The following CSTF1 variants were observed in gnomAD, a reference collection of about 807,000 sequenced individuals.
CSTF1 encodes the protein CF-1 50 kDa subunit.
In CSTF1, 2 loss-of-function variants were observed where a neutral mutation model predicts 40.9. The observed-to-expected ratio is 0.05, with a 90% confidence interval of 0.02 to 0.15. CSTF1 has a LOEUF of 0.15. Ranked by LOEUF, CSTF1 falls within the 10% of genes least tolerant of loss-of-function variation. The pLI is 1.00. For synonymous variants in CSTF1, 218 were observed against 207.2 expected, an observed-to-expected ratio of 1.05 and a Z score of -0.45; for missense variants, 279 against 558.9, an observed-to-expected ratio of 0.50 and a Z score of 5.05.
rs1197135106 is a variant in CSTF1, at chr20:56,397,093, A to G, written c.170-114A>G. The G allele has an allele frequency of 8.6e-7, 1 of 1,160,772 alleles. No individual in the cohort carries two copies. Among genetic ancestry groups the G allele is most frequent in the Non-Finnish European group, 1.2e-6 (1 of 819,014 alleles). 71.9% of individuals were successfully genotyped at this position (1,160,772 alleles called of 1,614,324 possible). ...GTGTTAGGTGTCACGCGGCTCCAAG[A>G]AATAGGAGGTTGACACTGGTGAGCA... On this transcript the variant is annotated intron_variant, in intron 2 of 5. Transcript: ENST00000217109. The surrounding 1 kb of genome is among the most constrained non-coding windows in gnomAD (Gnocchi z 4.4).
At chr20:56,400,655 GCA>G (rs1333785019) in intron 5 of CSTF1, among the ~76,000 whole-genome samples, 10 of 152,174 alleles carry the variant, frequency 6.6e-5, no homozygotes, top group African/African-American at 2.4e-5. Flanking sequence ...CTGAATTTAT[GCA>G]CAGATTCCCC....
rs1978372531 is a variant in CSTF1, at chr20:56,399,710, C to G, written c.1036+353C>G. The stretch of plus-strand genomic sequence containing the variant: ...CAGAGAAAAGTTTCCAATAGTAGAT[C>G]TCAGTATTATTAATATATGTATTCA... On this transcript the variant is annotated intron_variant, in intron 5 of 5. Coordinates refer to ENST00000217109, the MANE Select transcript of CSTF1 (RefSeq NM_001324.3). This position sits in a 1 kb window ranked among gnomAD's most constrained non-coding sequence, Gnocchi z 4.6. Among the ~76,000 whole-genome samples, 1 of 152,150 alleles carries G rather than the reference C, an allele frequency of 6.6e-6. No homozygotes were observed.
chr20:56,396,601 C>T (rs920441581), intron 2 of CSTF1, among the ~76,000 whole-genome samples: 4 of 152,018 alleles, frequency 2.6e-5, no homozygotes, highest in South Asian at 2.1e-4. Context: ...TATACCGATA[C>T]GTTAACAGTT....
rs533942892 is a variant in CSTF1 at position 56,404,126 on chromosome 20, A to G, written c.*399A>G. Reference sequence around the variant, plus strand: ...CTCTGTGTATTTCCCTTCCAGGTATATTTGAACAGATAAGCAGGCATGCAG... The same window carrying G: ...CTCTGTGTATTTCCCTTCCAGGTATGTTTGAACAGATAAGCAGGCATGCAG... On this transcript the variant is annotated 3_prime_UTR_variant, in exon 6 of 6. Coordinates refer to ENST00000217109, the MANE Select transcript of CSTF1 (RefSeq NM_001324.3). 4.2e-5 allele frequency: 7 copies of G among 168,456 alleles called. No individual in the cohort carries two copies. The East Asian group carries it at 1.1e-3, about 26-fold the overall frequency. The allele number at this position is 168,456 out of a possible 1,614,324, so 10.4% of individuals were successfully genotyped here. A position where few individuals can be genotyped will look rare whatever the true frequency, so the allele number is the denominator to read the frequency against.
intron 5 of CSTF1, among the ~76,000 whole-genome samples, chr20:56,400,880 A>C (rs1978419397): frequency 6.6e-6 from 1 of 152,072 alleles, no homozygotes; most frequent in Non-Finnish European, 1.5e-5. Flanking sequence ...CTCTATGAAA[A>C]ATACAAAAAT....
intron 1 of CSTF1, among the ~76,000 whole-genome samples, chr20:56,393,069 C>A (rs768883009): frequency 4.6e-5 from 7 of 151,616 alleles, no homozygotes; most frequent in Non-Finnish European, 7.4e-5. Flanking sequence ...GTTTACCTGG[C>A]GAGTGAACGT....
intron 2 of CSTF1, 49 bp downstream of exon 2, chr20:56,395,770 T>A (rs1987502054): frequency 1.3e-6 from 2 of 1,582,378 alleles, no homozygotes; most frequent in East Asian, 4.5e-5. Flanking sequence ...GTTTTAGATA[T>A]TTTCATATGG....
In CSTF1 at chr20:56,399,874, C is replaced by T. The variant is rs1281414179; in HGVS notation, c.1036+517C>T. ...AAAAAAATTGCATCCACTGAATTCT[C>T]ATTTATGTATGTTGGTCTCATTGGT... is the stretch of plus-strand genomic sequence containing the variant. On this transcript the variant is annotated intron_variant, in intron 5 of 5. Coordinates refer to ENST00000217109, the MANE Select transcript of CSTF1 (RefSeq NM_001324.3). This position sits in a 1 kb window ranked among gnomAD's most constrained non-coding sequence, Gnocchi z 4.6. Among the ~76,000 whole-genome samples, 1 of 152,136 alleles carries T rather than the reference C, an allele frequency of 6.6e-6. No individual in the cohort carries two copies. Among genetic ancestry groups the T allele is most frequent in the Non-Finnish European group, 1.5e-5 (1 of 68,028 alleles).
rs1459094543 is a variant in CSTF1, at chr20:56,405,376, T to G, written c.*1649T>G. ...CGTGCGCCACCATGCCCGGCTAATT[T>G]TGTATTTTTTTTAGTAGAGACGGGG... On this transcript the variant is annotated 3_prime_UTR_variant, in exon 6 of 6. Transcript: ENST00000217109. 1 of 151,678 alleles carries G rather than the reference T, an allele frequency of 6.6e-6. No individual in the cohort carries two copies. Among genetic ancestry groups the G allele is most frequent in the Non-Finnish European group, 1.5e-5 (1 of 67,932 alleles). 9.4% of individuals were successfully genotyped at this position (151,678 alleles called of 1,614,324 possible).
At chr20:56,396,431 T>C (rs1987519901) in intron 2 of CSTF1, among the ~76,000 whole-genome samples, 1 of 152,228 alleles carries the variant, frequency 6.6e-6, no homozygotes, top group Non-Finnish European at 1.5e-5. Flanking sequence ...TAAAAGTGAA[T>C]ACTATAACAT....
Position 56,399,118 on chromosome 20 carries a change from G to A in CSTF1, c.797G>A (p.Cys266Tyr), listed in dbSNP as rs1978347236. ...NPQDQHTDAICSVNYNSSANM... is the reference protein window; with the variant it reads ...NPQDQHTDAIYSVNYNSSANM... ...CAAGATCAACACACCGATGCTATAT[G>A]TTCCGTTAATTACAATTCTAGTGCC... The change falls in exon 5 of 6, where the codon TGT becomes TAT. Residue 266 changes from cysteine (C) to tyrosine (Y), a missense_variant. By Grantham distance (194) the Cys-to-Tyr change is radical. This residue lies in a region of CSTF1 where 162 missense variants were observed against 337.1 expected (regional missense o/e 0.48). Transcript: ENST00000217109. This position sits in a 1 kb window ranked among gnomAD's most constrained non-coding sequence, Gnocchi z 4.6. The A allele has an allele frequency of 6.2e-7, 1 of 1,614,078 alleles. No individual in the cohort carries two copies. The highest frequency in any genetic ancestry group is 8.5e-7 in the Non-Finnish European group (1 of 1,180,040).
At position 56,406,351 on chromosome 20, in the gene CSTF1, T is replaced by C. The variant is rs1978702918; in HGVS notation, c.*2624T>C. ...GATACGTGATTTCTGAAATAAACTT[T>C]ATATACAATGATAAGCTAGTTTATT... On this transcript the variant is annotated 3_prime_UTR_variant, in exon 6 of 6. Transcript: ENST00000217109. 5 of 152,156 alleles carry C rather than the reference T, an allele frequency of 3.3e-5. No homozygotes were observed. Among genetic ancestry groups the C allele is most frequent in the Admixed American group, 3.3e-4 (5 of 15,278 alleles). The allele number at this position is 152,156 out of a possible 1,614,324, so 9.4% of individuals were successfully genotyped here. A position where few individuals can be genotyped will look rare whatever the true frequency, so the allele number is the denominator to read the frequency against.
In CSTF1 at chr20:56,397,081, C is replaced by T. The variant is rs762018760; in HGVS notation, c.170-126C>T. ...CAGTTTTGTAAAGTGTTAGGTGTCA[C>T]GCGGCTCCAAGAAATAGGAGGTTGA... On this transcript the variant is annotated intron_variant, in intron 2 of 5. Coordinates refer to ENST00000217109, the MANE Select transcript of CSTF1 (RefSeq NM_001324.3). This position sits in a 1 kb window ranked among gnomAD's most constrained non-coding sequence, Gnocchi z 4.4. 45 of 1,003,260 alleles carry T rather than the reference C, an allele frequency of 4.5e-5. No individual in the cohort carries two copies. The highest frequency in any genetic ancestry group is 6.3e-5 in the Non-Finnish European group (43 of 684,330). 62.1% of individuals were successfully genotyped at this position (1,003,260 alleles called of 1,614,324 possible).
intron 5 of CSTF1, among the ~76,000 whole-genome samples, chr20:56,400,007 TTC>T (rs1978384553): frequency 6.6e-6 from 1 of 152,238 alleles, no homozygotes; most frequent in Non-Finnish European, 1.5e-5. Context: ...AAACACTGTC[TTC>T]TGTTCCTTGT....
In CSTF1 at chr20:56,405,620, C is replaced by A. The variant is rs1978675393; in HGVS notation, c.*1893C>A. 1 of 152,208 alleles carries A rather than the reference C, an allele frequency of 6.6e-6. No individual in the cohort carries two copies. Among genetic ancestry groups the A allele is most frequent in the Admixed American group, 6.5e-5 (1 of 15,276 alleles). 9.4% of individuals were successfully genotyped at this position (152,208 alleles called of 1,614,324 possible). A position where few individuals can be genotyped will look rare whatever the true frequency, so the allele number is the denominator to read the frequency against. ...CTGTCTTAAGCATCTTAACATGTTA[C>A]ATCACAGGGTTTTAGCTCAGATTTC... On this transcript the variant is annotated 3_prime_UTR_variant, in exon 6 of 6. Coordinates refer to ENST00000217109, the MANE Select transcript of CSTF1 (RefSeq NM_001324.3).
In CSTF1 at chr20:56,397,352, A is replaced by G. The variant is rs750367433; in HGVS notation, c.315A>G (p.Thr105=). 5 of 1,614,238 alleles carry G rather than the reference A, an allele frequency of 3.1e-6. No individual in the cohort carries two copies. In the South Asian group the frequency reaches 4.4e-5, roughly 14 times the overall value. Residue 105 remains threonine (T), a synonymous_variant, in exon 3 of 6, where the codon ACA becomes ACG. Transcript: ENST00000217109. This position sits in a 1 kb window ranked among gnomAD's most constrained non-coding sequence, Gnocchi z 4.4. The part of the protein sequence containing the change: ...EASEYETCYV[T]SHKGPCRVAT... ...CTGAGTACGAAACATGCTATGTCAC[A>G]TCACATAAAGGACCATGCCGTGTAG... is the stretch of plus-strand genomic sequence containing the variant.
At position 56,397,926 on chromosome 20, in the gene CSTF1, C is replaced by A; in HGVS notation, c.645+85C>A. The A allele has an allele frequency of 9.1e-7, 1 of 1,102,736 alleles. No individual in the cohort carries two copies. The highest frequency in any genetic ancestry group is 1.4e-5 in the South Asian group (1 of 70,618). 68.3% of individuals were successfully genotyped at this position (1,102,736 alleles called of 1,614,324 possible). A position where few individuals can be genotyped will look rare whatever the true frequency, so the allele number is the denominator to read the frequency against. ...ACTATTCTCTTTTTAAAAGTAGTCT[C>A]AGTGATCATCCTGTAAGATGCGTAC... On this transcript the variant is annotated intron_variant, in intron 4 of 5. Transcript: ENST00000217109. This position sits in a 1 kb window ranked among gnomAD's most constrained non-coding sequence, Gnocchi z 4.4.
intron 4 of CSTF1, among the ~76,000 whole-genome samples, chr20:56,398,074 G>T (rs1049326877): frequency 2.0e-5 from 3 of 151,938 alleles, no homozygotes; most frequent in African/African-American, 7.3e-5. Context: ...GGAGGGTTTG[G>T]AATCCATATC....
intron 1 of CSTF1, among the ~76,000 whole-genome samples, chr20:56,393,654 G>T (rs1987400843): frequency 9.3e-6 from 1 of 107,928 alleles, no homozygotes; most frequent in Non-Finnish European, 1.7e-5. Context: ...TTGGGGGCGG[G>T]GGGCGGGAAG....
Sources: gnomAD v4.1 joint callset for allele counts (sites outside exome capture counted in the v4.1 genomes callset) on GRCh38, gnomAD v4.1.1 for gene constraint, gnomAD v4.1.1 regional missense constraint, Gnocchi (gnomAD v3.1) non-coding constraint, MANE v1.5 for transcripts, NCBI Gene and HGNC (gene_info 2026-07-23, HGNC 2026-07-21) for gene names.